TLN1: variants seen among roughly 807,000 people sequenced by gnomAD.
TLN1 encodes the protein talin 1.
TLN1 carries 56 observed loss-of-function variants against 292.3 expected under a neutral mutation model. The observed-to-expected ratio is 0.19, with a 90% CI of 0.15 to 0.24. TLN1 has a LOEUF of 0.24. Among genes scored for constraint, TLN1 ranks in the 10% least tolerant of loss-of-function variants. TLN1 has a pLI of 1.00. For missense variants in TLN1, 2,433 were observed against 3,248.2 expected, an observed-to-expected ratio of 0.75 and a Z score of 6.10; for synonymous variants, 1,119 against 1,253.7, an observed-to-expected ratio of 0.89 and a Z score of 2.27.
Position 35,714,133 on chromosome 9 carries a change from A to G in TLN1, c.3121-52T>C, listed in dbSNP as rs372089904. 2.5e-6 allele frequency: 4 copies of G among 1,607,792 alleles called. No homozygotes were observed. Among genetic ancestry groups the G allele is most frequent in the African/African-American group, 1.3e-5 (1 of 74,854 alleles). On this transcript the variant is annotated intron_variant, in intron 24 of 56. Coordinates refer to ENST00000314888, the MANE Select transcript of TLN1 (RefSeq NM_006289.4). This position sits in a 1 kb window ranked among gnomAD's most constrained non-coding sequence, Gnocchi z 4.6. ...TAGAAGGTCCTGCTGTGTCTCACCAATGCCTCTGATTACACAATTATCTGC... is the reference window on the plus strand; with the variant it reads ...TAGAAGGTCCTGCTGTGTCTCACCAGTGCCTCTGATTACACAATTATCTGC...
rs752375103 is a variant in TLN1 at position 35,698,841 on chromosome 9, C to A, written c.7092G>T (p.Ser2364=). 2 of 1,614,144 alleles carry A rather than the reference C, an allele frequency of 1.2e-6. No homozygotes were observed. The highest frequency in any genetic ancestry group is 1.7e-6 in the Non-Finnish European group (2 of 1,180,018). ...AATSALVKAA[S]AAQRELVAQG... ...GGGCCACTAGTTCTCTCTGGGCAGCCGACGCAGCCTTTACCAGTGCACTGG... is the reference window on the plus strand; with the variant it reads ...GGGCCACTAGTTCTCTCTGGGCAGCAGACGCAGCCTTTACCAGTGCACTGG... Residue 2364 remains serine, a synonymous_variant, in exon 53 of 57, where the codon TCG becomes TCT. Coordinates refer to ENST00000314888, the MANE Select transcript of TLN1 (RefSeq NM_006289.4). This position sits in a 1 kb window ranked among gnomAD's most constrained non-coding sequence, Gnocchi z 5.3.
chr9:35,703,897 C>T lies in TLN1; in HGVS notation c.6235G>A (p.Val2079Ile), dbSNP rs758590245. ...LGAEDPETQVVLINAVKDVAK... is the reference protein window; with the variant it reads ...LGAEDPETQVILINAVKDVAK... ...ACATCTTTCACTGCGTTGATTAGTA[C>T]CACCTGTGTGGGAAAGCGTTGGCTC... Residue 2079 changes from valine (V) to isoleucine (I), a missense_variant, in exon 47 of 57, where the codon GTA (valine) becomes ATA (isoleucine). Transcript: ENST00000314888. The T allele has an allele frequency of 2.5e-6, 4 of 1,614,042 alleles. No homozygotes were observed. The Admixed American group carries it at 5.0e-5, about 20-fold the overall frequency.
intron 17 of TLN1, 109 bp downstream of exon 17, chr9:35,718,703 G>A: frequency 1.2e-6 from 1 of 840,276 alleles, no homozygotes; most frequent in Admixed American, 2.1e-5. Flanking sequence ...TAGAGGTTCA[G>A]ATTGGTTTTT....
chr9:35,725,465 T>A, intron 2 of TLN1, 100 bp downstream of exon 2: 1 of 1,548,114 alleles, frequency 6.5e-7, no homozygotes, highest in Non-Finnish European at 8.8e-7. Context: ...GAGGGGTGAG[T>A]AGTCTTAGGG....
chr9:35,712,257 C>G, intron 27 of TLN1, 133 bp from the exon 28 acceptor site: 1 of 1,266,830 alleles, frequency 7.9e-7, no homozygotes, highest in Non-Finnish European at 1.1e-6. Context: ...TGTAGGTGAA[C>G]AGGCTGAGGT....
rs1825942605 is a variant in TLN1, at chr9:35,724,964, T to C, written c.229-5A>G. ...CTTCCTGTACTCCATAGTGTCCTGT[T>C]AGGGCAGGAAGAAGAGACAGGGGCC... On this transcript the variant is annotated splice_region_variant and splice_polypyrimidine_tract_variant and intron_variant, in intron 3 of 56. Coordinates refer to ENST00000314888, the MANE Select transcript of TLN1 (RefSeq NM_006289.4). This position sits in a 1 kb window ranked among gnomAD's most constrained non-coding sequence, Gnocchi z 4.7. The C allele has an allele frequency of 1.9e-6, 3 of 1,614,068 alleles. No individual in the cohort carries two copies. Among genetic ancestry groups the C allele is most frequent in the Non-Finnish European group, 2.5e-6 (3 of 1,180,030 alleles).
Position 35,712,076 on chromosome 9 carries a change from G to A in TLN1, c.3610C>T (p.Pro1204Ser), listed in dbSNP as rs1318866452. The A allele has an allele frequency of 6.2e-7, 1 of 1,614,098 alleles. No individual in the cohort carries two copies. Among genetic ancestry groups the A allele is most frequent in the Non-Finnish European group, 8.5e-7 (1 of 1,179,998 alleles). The change falls in exon 28 of 57, where the codon CCT becomes TCT. Residue 1204 changes from proline (P) to serine (S), a missense_variant. By Grantham distance (74) the Pro-to-Ser change is moderately conservative. Coordinates refer to ENST00000314888, the MANE Select transcript of TLN1 (RefSeq NM_006289.4). ...QALNRCVSCL[P>S]GQRDVDNALR... is the part of the protein sequence containing the mutation. ...GCATTATCCACATCGCGCTGGCCAG[G>A]TAGGCAGCTGACACAGCGGTTCAGA...
rs1489441366 is a variant in TLN1, at chr9:35,698,389, TG to T, written c.7304del (p.Thr2435LysfsTer19). On this transcript the variant is annotated frameshift_variant, in exon 55 of 57. Transcript: ENST00000314888. LOFTEE classifies it high-confidence loss of function. The surrounding 1 kb of genome is among the most constrained non-coding windows in gnomAD (Gnocchi z 5.3). Reference protein sequence around the residue: ...ISSAKQVAASTAQLLVACKVK... With the variant: ...ISSAKQVAASXAQLLVACKVK... ...CCTTGCAGGCCACAAGGAGCTGGGC[TG>T]TGGAGGCAGCTACCTGCTTGGCTGA... 6.2e-7 allele frequency: 1 copy of T among 1,614,104 alleles called. No individual in the cohort carries two copies. Among genetic ancestry groups the T allele is most frequent in the Non-Finnish European group, 8.5e-7 (1 of 1,180,054 alleles).
At chr9:35,730,151 G>A (rs142066248) in intron 1 of TLN1, among the ~76,000 whole-genome samples, 158 of 151,510 alleles carry the variant, frequency 1.0e-3, no homozygotes, top group Middle Eastern at 3.4e-3. Flanking sequence ...CAGGCTATAG[G>A]AGGTTGAGAA....
chr9:35,711,093 C>T lies in TLN1; in HGVS notation c.4020-11G>A. The T allele has an allele frequency of 6.2e-7, 1 of 1,614,086 alleles. No homozygotes were observed. The stretch of plus-strand genomic sequence containing the variant: ...CTGTCAGTTACTGCCCTGGGAGTGA[C>T]AGAAAGTTGAGTGAAAAGGTGAATA... On this transcript the variant is annotated splice_polypyrimidine_tract_variant and intron_variant, in intron 30 of 56. Transcript: ENST00000314888.
At position 35,716,386 on chromosome 9, in the gene TLN1, G is replaced by A. The variant is rs1418029069; in HGVS notation, c.2625+4C>T. On this transcript the variant is annotated splice_donor_region_variant and intron_variant, in intron 20 of 56. Coordinates refer to ENST00000314888, the MANE Select transcript of TLN1 (RefSeq NM_006289.4). Reference sequence around the variant, plus strand: ...TCTGGGAGTGTGCACAGAAGGCTTTGTACCTTGGCAGCCTCTACCATCTTG... The same window carrying A: ...TCTGGGAGTGTGCACAGAAGGCTTTATACCTTGGCAGCCTCTACCATCTTG... 6.2e-7 allele frequency: 1 copy of A among 1,614,116 alleles called. No homozygotes were observed. The highest frequency in any genetic ancestry group is 8.5e-7 in the Non-Finnish European group (1 of 1,179,996).
At chr9:35,726,576 C>G (rs1159125524) in intron 1 of TLN1, among the ~76,000 whole-genome samples, 9 of 152,194 alleles carry the variant, frequency 5.9e-5, no homozygotes, top group African/African-American at 2.2e-4. Context: ...GCTCTTGAAG[C>G]CTGCAAACAA....
At chr9:35,710,079 CG>C (rs1443715064) in intron 33 of TLN1, among the ~76,000 whole-genome samples, 1 of 145,746 alleles carries the variant, frequency 6.9e-6, no homozygotes, top group Non-Finnish European at 1.5e-5. Context: ...AAAAATTAGC[CG>C]GGTGTGGTGG....
At chr9:35,729,525 A>G (rs1826032494) in intron 1 of TLN1, among the ~76,000 whole-genome samples, 1 of 152,240 alleles carries the variant, frequency 6.6e-6, no homozygotes, top group African/African-American at 2.4e-5. Flanking sequence ...TGAGCAGAGA[A>G]GAGACATAAC....
chr9:35,718,497 G>A (rs1004499161), intron 17 of TLN1, among the ~76,000 whole-genome samples: 1 of 152,102 alleles, frequency 6.6e-6, no homozygotes, highest in African/African-American at 2.4e-5. Context: ...TCTCAGGGTG[G>A]CATGGTCTAT....
In TLN1 at chr9:35,700,293, G is replaced by A. The variant is rs754818491; in HGVS notation, c.6558C>T (p.Thr2186=). The change falls in exon 49 of 57, where the codon ACC becomes ACT. Residue 2186 remains threonine (T), a synonymous_variant. Transcript: ENST00000314888. ...IRMTKGITMA[T]AKAVAAGNSC... Reference sequence around the variant, plus strand: ...AATTGCCAGCAGCAACGGCCTTGGCGGTTGCCATGGTGATACCCTTGGTCA... The same window carrying A: ...AATTGCCAGCAGCAACGGCCTTGGCAGTTGCCATGGTGATACCCTTGGTCA... 4.0e-5 allele frequency: 65 copies of A among 1,613,584 alleles called. 4 individuals are homozygous for A. In the South Asian group the frequency reaches 4.7e-4, roughly 12 times the overall value.
rs1319411794 is a variant in TLN1 at position 35,697,282 on chromosome 9, G to C, written c.*509C>G. 6 of 153,766 alleles carry C rather than the reference G, an allele frequency of 3.9e-5. No individual in the cohort carries two copies. Among genetic ancestry groups the C allele is most frequent in the Non-Finnish European group, 7.2e-5 (5 of 69,156 alleles). The allele number at this position is 153,766 out of a possible 1,614,324, so 9.5% of individuals were successfully genotyped here. A position where few individuals can be genotyped will look rare whatever the true frequency, so the allele number is the denominator to read the frequency against. ...CTGGGTGACAGAATTCAACCCCACT[G>C]TCTCTCCTACTGCCCTGGGAGAAAA... On this transcript the variant is annotated 3_prime_UTR_variant, in exon 57 of 57. Transcript: ENST00000314888.
Position 35,714,298 on chromosome 9 carries a change from T to C in TLN1, c.3061A>G (p.Ser1021Gly), listed in dbSNP as rs1231036875. 6.2e-7 allele frequency: 1 copy of C among 1,613,838 alleles called. No individual in the cohort carries two copies. The highest frequency in any genetic ancestry group is 1.3e-5 in the African/African-American group (1 of 74,932). ...IQDQASAMQL[S>G]QCAKNLGTAL... ...GTGCCCAGGTTCTTGGCACACTGAC[T>C]CAGCTGCATGGCTGAAGCCTGGTCC... Residue 1021 changes from serine to glycine, a missense_variant, in exon 24 of 57, where the codon AGT becomes GGT. Around this residue, in one of 7 missense-constraint regions of TLN1, gnomAD observed 1 missense variants for 16.3 expected, o/e 0.06. Transcript: ENST00000314888. This position sits in a 1 kb window ranked among gnomAD's most constrained non-coding sequence, Gnocchi z 4.6.
chr9:35,729,764 G>A (rs762960476), intron 1 of TLN1, among the ~76,000 whole-genome samples: 7 of 152,188 alleles, frequency 4.6e-5, no homozygotes, highest in African/African-American at 7.2e-5. Flanking sequence ...TTAGCGGCTG[G>A]GGCAGCTTGA....
Sources: allele counts gnomAD v4.1 joint callset (sites outside exome capture counted in the v4.1 genomes callset), GRCh38; gene constraint gnomAD v4.1.1; regional missense constraint gnomAD v4.1.1; non-coding constraint Gnocchi (gnomAD v3.1); transcripts MANE v1.5; gene names NCBI Gene and HGNC (gene_info 2026-07-23, HGNC 2026-07-21).